TNS1: variants seen among roughly 807,000 people sequenced by gnomAD.
The protein encoded by TNS1 is tensin 1.
Under a neutral mutation model 168.6 loss-of-function variants are expected in TNS1, and 62 were observed. The observed-to-expected ratio is 0.37, with a 90% CI of 0.30 to 0.45. The LOEUF (loss-of-function observed/expected upper bound fraction) is 0.45. Among genes scored for constraint, TNS1 ranks in the 20% least tolerant of loss-of-function variants. TNS1 has a pLI of 1.00. For synonymous variants in TNS1, 934 were observed against 933.2 expected, an observed-to-expected ratio of 1.00 and a Z score of -0.02; for missense variants, 2,240 against 2,339.4, an observed-to-expected ratio of 0.96 and a Z score of 0.88.
chr2:217,915,893 A>T (rs1375789731), intron 4 of TNS1, among the ~76,000 whole-genome samples: 1 of 152,210 alleles, frequency 6.6e-6, no homozygotes, highest in Non-Finnish European at 1.5e-5. Flanking sequence ...GCCCCACGTC[A>T]TGGAAAAGGC....
chr2:217,878,951 C>T (rs963808142), intron 18 of TNS1, among the ~76,000 whole-genome samples: 27 of 152,192 alleles, frequency 1.8e-4, no homozygotes, highest in African/African-American at 6.3e-4. Context: ...TCCATTCCCT[C>T]AGACAGAGGG....
chr2:217,978,839 C>A, intron 2 of TNS1, 37 bp from the exon 3 acceptor site: 1 of 702,176 alleles, frequency 1.4e-6, no homozygotes, highest in Non-Finnish European at 2.6e-6. Context: ...AAGTTTTAGC[C>A]GCGAGGTATG....
At chr2:217,904,223 G>T (rs558465848) in intron 6 of TNS1, among the ~76,000 whole-genome samples, 7 of 152,234 alleles carry the variant, frequency 4.6e-5, no homozygotes, top group Non-Finnish European at 7.4e-5. Context: ...AACAAAGTGC[G>T]ACACAGCACA....
rs1045826048 is a variant in TNS1, at chr2:217,941,596, C to A, written c.187-21360G>T. Among the ~76,000 whole-genome samples the A allele has an allele frequency of 2.0e-5, 3 of 152,308 alleles. No homozygotes were observed. The South Asian group carries it at 6.2e-4, about 32-fold the overall frequency. On this transcript the variant is annotated intron_variant, in intron 3 of 32. Transcript: ENST00000682258. ...AGGCCAGAGGACACAGCTTCCTGATCCCCCATTCTGGTGTCAGAGAACTCC... is the reference window on the plus strand; with the variant it reads ...AGGCCAGAGGACACAGCTTCCTGATACCCCATTCTGGTGTCAGAGAACTCC...
intron 4 of TNS1, among the ~76,000 whole-genome samples, chr2:217,919,350 G>A (rs931998711): frequency 1.3e-5 from 2 of 152,208 alleles, no homozygotes; most frequent in African/African-American, 2.4e-5. Context: ...GGCTCCTGCC[G>A]ACATTAGTAC....
intron 3 of TNS1, among the ~76,000 whole-genome samples, chr2:217,924,922 G>C (rs934827836): frequency 1.3e-5 from 2 of 152,294 alleles, no homozygotes; most frequent in South Asian, 4.1e-4. Context: ...TAAGACCTGG[G>C]TTGTCTCATC....
chr2:217,965,445 G>T (rs1957601921), intron 3 of TNS1, among the ~76,000 whole-genome samples: 1 of 152,154 alleles, frequency 6.6e-6, no homozygotes, highest in Non-Finnish European at 1.5e-5. Context: ...TAAGCCGGAG[G>T]CCACAGGGAC....
At chr2:217,903,718 C>A (rs1953304141) in intron 6 of TNS1, 2 of 917,618 alleles carry the variant, frequency 2.2e-6, no homozygotes, top group Non-Finnish European at 3.4e-6. Flanking sequence ...GGTATCTAAC[C>A]CTCATCCTTC....
At chr2:217,926,675 A>G (rs10197671) in intron 3 of TNS1, among the ~76,000 whole-genome samples, 62,330 of 152,154 alleles carry the variant, frequency 0.41, 16,844 homozygotes, top group African/African-American at 0.78. Flanking sequence ...GCAAGTGTTC[A>G]TTGCTAAGCT....
rs541016316 is a variant in TNS1, at chr2:217,877,459, G to A, written c.1429+3439C>T. Reference sequence around the variant, plus strand: ...TCTGGGGTCTTCATCCAGGAAATGGGGTTGGTACAGGCTGAGCTGAGCTAA... The same window carrying A: ...TCTGGGGTCTTCATCCAGGAAATGGAGTTGGTACAGGCTGAGCTGAGCTAA... On this transcript the variant is annotated intron_variant, in intron 18 of 32. Transcript: ENST00000682258. 7.2e-5 allele frequency among the ~76,000 whole-genome samples: 11 copies of A among 152,300 alleles called. No individual in the cohort carries two copies. In the East Asian group the frequency reaches 2.1e-3, roughly 29 times the overall value.
chr2:217,891,311 C>T (rs952550594), intron 11 of TNS1, among the ~76,000 whole-genome samples: 2 of 152,218 alleles, frequency 1.3e-5, no homozygotes, highest in Admixed American at 1.3e-4. Context: ...AGGTCTACCA[C>T]TTATGAGCCC....
In TNS1 at chr2:217,817,791, T is replaced by G. The variant is rs776963230; in HGVS notation, c.4541A>C (p.Lys1514Thr). 3 of 1,614,232 alleles carry G rather than the reference T, an allele frequency of 1.9e-6. No homozygotes were observed. Among genetic ancestry groups the G allele is most frequent in the Non-Finnish European group, 2.5e-6 (3 of 1,180,032 alleles). The change falls in exon 24 of 33, where the codon AAG (lysine) becomes ACG (threonine). Residue 1514 changes from lysine to threonine, a missense_variant. Physicochemically the swap from Lys to Thr is moderately conservative, Grantham distance 78. Coordinates refer to ENST00000682258, the MANE Select transcript of TNS1 (RefSeq NM_001387777.1). Reference sequence around the variant, plus strand: ...GCCGCTGGCGACAGGCGAAGACACCTTCCCATTGATGGTGGCATAGTTGGG... The same window carrying G: ...GCCGCTGGCGACAGGCGAAGACACCGTCCCATTGATGGTGGCATAGTTGGG... ...SLPNYATING[K>T]VSSPVASGMS...
chr2:217,886,430 G>C, intron 13 of TNS1, 104 bp downstream of exon 13: 1 of 915,648 alleles, frequency 1.1e-6, no homozygotes, highest in Admixed American at 2.0e-5. Flanking sequence ...TGACTCTGCA[G>C]CTCTCGGGCT....
intron 4 of TNS1, among the ~76,000 whole-genome samples, chr2:217,910,574 G>A (rs367659322): frequency 3.3e-5 from 5 of 152,112 alleles, no homozygotes; most frequent in East Asian, 3.9e-4. Flanking sequence ...CAGGGAGGCC[G>A]GGGCCAGTGG....
intron 3 of TNS1, among the ~76,000 whole-genome samples, chr2:217,951,655 C>T (rs1156636640): frequency 6.6e-6 from 1 of 152,162 alleles, no homozygotes; most frequent in African/African-American, 2.4e-5. Context: ...CACCCCAGGC[C>T]CTCAGGGCTC....
At chr2:217,842,830 C>T (rs1181324421) in intron 19 of TNS1, among the ~76,000 whole-genome samples, 1 of 152,220 alleles carries the variant, frequency 6.6e-6, no homozygotes, top group African/African-American at 2.4e-5. Context: ...GCCTCGGGGC[C>T]TCTGCACTTG....
At chr2:217,932,904 G>A (rs1332321242) in intron 3 of TNS1, among the ~76,000 whole-genome samples, 5 of 152,284 alleles carry the variant, frequency 3.3e-5, no homozygotes, top group South Asian at 2.1e-4. Flanking sequence ...CAATTAGCGC[G>A]CATCGGGGAC....
At chr2:217,929,092 C>CG (rs746461891) in intron 3 of TNS1, among the ~76,000 whole-genome samples, 3 of 151,338 alleles carry the variant, frequency 2.0e-5, no homozygotes, top group South Asian at 4.2e-4. Context: ...AAGGGGAACT[C>CG]GGGGGGACCA....
Position 217,893,680 on chromosome 2 carries a change from G to T in TNS1, c.595-119C>A. 5 of 1,414,076 alleles carry T rather than the reference G, an allele frequency of 3.5e-6. No homozygotes were observed. In the South Asian group the frequency reaches 5.7e-5, roughly 16 times the overall value. 87.6% of individuals were successfully genotyped at this position (1,414,076 alleles called of 1,614,324 possible). ...CAGTGGCCCGCAGCTGCTGGTTCCT[G>T]CCAGGACTTGGTTCCTCCCTGCCCA... On this transcript the variant is annotated intron_variant, in intron 9 of 32. Coordinates refer to ENST00000682258, the MANE Select transcript of TNS1 (RefSeq NM_001387777.1).
Sources: allele counts gnomAD v4.1 joint callset (sites outside exome capture counted in the v4.1 genomes callset), GRCh38; gene constraint gnomAD v4.1.1; transcripts MANE v1.5; gene names NCBI Gene and HGNC (gene_info 2026-07-23, HGNC 2026-07-21).